PBRM1: variants seen among roughly 807,000 people sequenced by gnomAD.
PBRM1 encodes polybromo 1, also known as protein polybromo-1.
PBRM1 carries 27 observed loss-of-function variants against 194.5 expected under a neutral mutation model. That is an observed-to-expected ratio of 0.14 (90% CI 0.10 to 0.19). The LOEUF is 0.19. Among genes scored for constraint, PBRM1 ranks in the 10% least tolerant of loss-of-function variants. PBRM1 has a pLI of 1.00. For missense variants in PBRM1, 1,466 were observed against 2,077.2 expected, an observed-to-expected ratio of 0.71 and a Z score of 5.72; for synonymous variants, 655 against 693.2, an observed-to-expected ratio of 0.94 and a Z score of 0.87.
chr3:52,587,597 A>C, intron 18 of PBRM1, 87 bp from the exon 21 acceptor site: 4 of 957,850 alleles, frequency 4.2e-6, no homozygotes, highest in Non-Finnish European at 6.0e-6. Flanking sequence ...TTTTAAAGAG[A>C]CTGGGTCTCA....
chr3:52,558,976 A>T, intron 25 of PBRM1, among the ~76,000 whole-genome samples: 1 of 152,228 alleles, frequency 6.6e-6, no homozygotes, highest in African/African-American at 2.4e-5. Flanking sequence ...CTCCTTCAGA[A>T]GGTTTTAGGG....
intron 17 of PBRM1, among the ~76,000 whole-genome samples, chr3:52,592,629 T>C (rs192051678): frequency 1.3e-5 from 2 of 152,312 alleles, no homozygotes; most frequent in Admixed American, 6.5e-5. Flanking sequence ...TTTTTTCTGT[T>C]ATCTCTGCCA....
chr3:52,629,799 T>G (rs2095560107), intron 11 of PBRM1, among the ~76,000 whole-genome samples: 1 of 152,246 alleles, frequency 6.6e-6, no homozygotes, highest in Admixed American at 6.5e-5. Context: ...TTGTAGCATT[T>G]GCACGTTAAC....
chr3:52,684,844 A>T (rs754268236), intron 1 of PBRM1: 1 of 152,214 alleles, frequency 6.6e-6, no homozygotes, highest in Non-Finnish European at 1.5e-5. Context: ...TTATTGTTTT[A>T]ATTTGAAACA....
chr3:52,628,288 C>A (rs760214244), intron 12 of PBRM1, among the ~76,000 whole-genome samples: 42 of 150,776 alleles, frequency 2.8e-4, no homozygotes, highest in Non-Finnish European at 5.2e-4. Flanking sequence ...GTACAGGGAC[C>A]AATCCCTGCT....
Position 52,609,612 on chromosome 3 carries a change from C to T in PBRM1, c.2268G>A (p.Leu756=), listed in dbSNP as rs1299252432. 3 of 1,613,010 alleles carry T rather than the reference C, an allele frequency of 1.9e-6. No homozygotes were observed. In the African/African-American group the frequency reaches 4.0e-5, roughly 22 times the overall value. ...CCTCCAGGTCTCTGCGTGTTTCAAG[C>T]AGGACTTTGTGTAGAACAAGAGCAT... The change falls in exon 16 of 30, where the codon CTG becomes CTA. Residue 756 remains leucine, a synonymous_variant. Coordinates refer to ENST00000296302, the Ensembl canonical transcript of PBRM1. This position sits in a 1 kb window ranked among gnomAD's most constrained non-coding sequence, Gnocchi z 4.1.
intron 17 of PBRM1, among the ~76,000 whole-genome samples, chr3:52,598,417 T>C (rs1431490389): frequency 1.3e-5 from 2 of 152,376 alleles, no homozygotes; most frequent in African/African-American, 4.8e-5. Flanking sequence ...GCCAATTCTA[T>C]ATACTTCAAA....
At chr3:52,573,975 C>T (rs1304271329) in intron 22 of PBRM1, among the ~76,000 whole-genome samples, 1 of 152,212 alleles carries the variant, frequency 6.6e-6, no homozygotes, top group Non-Finnish European at 1.5e-5. Flanking sequence ...ACCTGTCAGG[C>T]AGCTTTCTAA....
chr3:52,554,374 C>T (rs1394861508), intron 27 of PBRM1, among the ~76,000 whole-genome samples: 2 of 152,246 alleles, frequency 1.3e-5, no homozygotes, highest in Non-Finnish European at 2.9e-5. Context: ...ATTTGGGAAA[C>T]TTCATTCACT....
chr3:52,657,594 C>T (rs1366828391), intron 5 of PBRM1, among the ~76,000 whole-genome samples: 4 of 152,022 alleles, frequency 2.6e-5, no homozygotes, highest in Non-Finnish European at 4.4e-5. Context: ...CTCAGCCTCC[C>T]GAGTAGGTGG....
chr3:52,558,469 C>T (rs1181325985), intron 25 of PBRM1, 56 bp from the exon 28 acceptor site: 1 of 1,402,814 alleles, frequency 7.1e-7, no homozygotes, highest in Non-Finnish European at 9.6e-7. Flanking sequence ...TTCAAAATAC[C>T]ATCCATTGCA....
At chr3:52,640,667 A>G in intron 10 of PBRM1, among the ~76,000 whole-genome samples, 1 of 142,568 alleles carries the variant, frequency 7.0e-6, no homozygotes, top group Non-Finnish European at 1.5e-5. Context: ...CCCAAGACAG[A>G]GTCTTGCTCT....
chr3:52,670,330 G>GTAC (rs1215752883), intron 2 of PBRM1, among the ~76,000 whole-genome samples: 1 of 152,124 alleles, frequency 6.6e-6, no homozygotes, highest in Non-Finnish European at 1.5e-5. Context: ...ATTTCTAACA[G>GTAC]TACTAATTTT....
At chr3:52,563,555 GCAGTGTTC>G in intron 23 of PBRM1, 62 bp from the exon 26 acceptor site, 1 of 1,186,102 alleles carries the variant, frequency 8.4e-7, no homozygotes, top group Non-Finnish European at 1.3e-6. Context: ...AAGCCGGAAA[GCAGTGTTC>G]CACCTTAACA....
At chr3:52,667,746 CAA>C (rs34993730) in intron 3 of PBRM1, among the ~76,000 whole-genome samples, 1,065 of 85,546 alleles carry the variant, frequency 0.012, 8 homozygotes, top group South Asian at 0.039. Flanking sequence ...GACTTTGCCT[CAA>C]AAAAAAAAAA....
chr3:52,635,932 T>C (rs904564842), intron 10 of PBRM1, among the ~76,000 whole-genome samples: 9 of 152,130 alleles, frequency 5.9e-5, no homozygotes, highest in Admixed American at 2.0e-4. Context: ...GGCGTGATCC[T>C]GGCTCACTGC....
intron 15 of PBRM1, 124 bp from the exon 18 acceptor site, chr3:52,610,079 T>C (rs1471496399): frequency 5.3e-6 from 3 of 567,842 alleles, no homozygotes; most frequent in South Asian, 4.3e-5. Context: ...AGCATGTCTA[T>C]AGTGAAATAT....
At chr3:52,557,706 G>A (rs1456131113) in intron 26 of PBRM1, among the ~76,000 whole-genome samples, 8 of 152,000 alleles carry the variant, frequency 5.3e-5, no homozygotes, top group Admixed American at 5.2e-4. Flanking sequence ...TACAGAGTGG[G>A]CACAATGAAT....
At chr3:52,601,110 A>T (rs1314288519) in intron 17 of PBRM1, among the ~76,000 whole-genome samples, 1 of 152,248 alleles carries the variant, frequency 6.6e-6, no homozygotes, top group East Asian at 1.9e-4. Flanking sequence ...TTCGTAGAAG[A>T]GGACTTCTCC....
Sources: gnomAD v4.1 joint callset for allele counts (sites outside exome capture counted in the v4.1 genomes callset) on GRCh38, gnomAD v4.1.1 for gene constraint, Gnocchi (gnomAD v3.1) non-coding constraint, MANE v1.5 for transcripts, NCBI Gene and HGNC (gene_info 2026-07-23, HGNC 2026-07-21) for gene names.